The following SASH1 variants were observed in gnomAD, a reference collection of about 807,000 sequenced individuals.
The protein encoded by SASH1 is SAM and SH3 domain-containing protein 1.
A neutral mutation model predicts 125.2 loss-of-function variants in SASH1; 44 were observed. That is an observed-to-expected ratio of 0.35 (90% CI 0.28 to 0.45). The LOEUF is 0.45. Among genes scored for constraint, SASH1 ranks in the 20% least tolerant of loss-of-function variants. The pLI is 1.00. For synonymous variants in SASH1, 639 were observed against 649.1 expected (o/e 0.98, Z 0.24); for missense variants, 1,426 against 1,614.5 (o/e 0.88, Z 2.00).
At chr6:148,313,727 G>A (rs1780399493) in intron 1 of SASH1, among the ~76,000 whole-genome samples, 2 of 152,082 alleles carry the variant, frequency 1.3e-5, no homozygotes, top group East Asian at 1.9e-4. Flanking sequence ...TGGCACGTGC[G>A]GCTGCATGCC....
At chr6:148,524,121 A>ATATATATATATTTTT (rs1193506716) in intron 10 of SASH1, among the ~76,000 whole-genome samples, 235 of 128,532 alleles carry the variant, frequency 1.8e-3, no homozygotes, top group Middle Eastern at 4.3e-3. Flanking sequence ...ATATATATAT[A>ATATATATATATTTTT]TTTTTTTTAA....
chr6:148,344,414 G>A (rs2114638252), intron 1 of SASH1, among the ~76,000 whole-genome samples: 1 of 152,232 alleles, frequency 6.6e-6, no homozygotes, highest in Non-Finnish European at 1.5e-5. Context: ...AAAGTCTCCT[G>A]TCTCTTCCTT....
intron 1 of SASH1, among the ~76,000 whole-genome samples, chr6:148,300,154 T>A (rs1253439011): frequency 1.3e-5 from 2 of 152,150 alleles, no homozygotes; most frequent in African/African-American, 4.8e-5. Flanking sequence ...AAAACCTGAG[T>A]ATAGTACCAA....
chr6:148,204,062 A>G, the SASH1 span, among the ~76,000 whole-genome samples: 1 of 152,194 alleles, frequency 6.6e-6, no homozygotes, highest in Admixed American at 6.5e-5. Flanking sequence ...GCGGCTTCCT[A>G]CACTGCTGAA....
intron 4 of SASH1, among the ~76,000 whole-genome samples, chr6:148,460,927 T>A (rs12664613): frequency 0.14 from 21,997 of 152,162 alleles, 1,661 homozygotes; most frequent in East Asian, 0.19. Flanking sequence ...GAAACTTAGA[T>A]TCTAGAATAG....
rs746767710 is a variant in SASH1 at position 148,301,326 on chromosome 6, C to CA, written n.74+28970dup. 6.7e-3 allele frequency among the ~76,000 whole-genome samples: 672 copies of CA among 99,700 alleles called. 5 individuals are homozygous for CA. The highest frequency in any genetic ancestry group is 0.01 in the Non-Finnish European group (514 of 51,202). 65.4% of individuals were successfully genotyped at this position (99,700 alleles called of 152,430 possible). A position where few individuals can be genotyped will look rare whatever the true frequency, so the allele number is the denominator to read the frequency against. On this transcript the variant is annotated intron_variant and non_coding_transcript_variant, in intron 1 of 3. Transcript: ENST00000367469. ...GGGCAACAAGAGCAAAACTCCATCT[C>CA]AAAAAAAAAAAAAAAAAAAAACTCT...
intron 1 of SASH1, among the ~76,000 whole-genome samples, chr6:148,346,139 C>G (rs1229515563): frequency 1.3e-5 from 2 of 152,156 alleles, no homozygotes; most frequent in Non-Finnish European, 2.9e-5. Context: ...AAACTCACAG[C>G]TTAGTAAGTG....
intron 17 of SASH1, among the ~76,000 whole-genome samples, chr6:148,541,550 GTAC>G (rs1288628040): frequency 6.6e-6 from 1 of 151,986 alleles, no homozygotes; most frequent in Non-Finnish European, 1.5e-5. Context: ...GTGTCTCTGT[GTAC>G]TACATGTTGA....
At chr6:148,427,855 G>A (rs1775893637) in intron 2 of SASH1, among the ~76,000 whole-genome samples, 1 of 152,180 alleles carries the variant, frequency 6.6e-6, no homozygotes, top group African/African-American at 2.4e-5. Context: ...CCTCAGGGAG[G>A]CCCCCTTGGT....
intron 1 of SASH1, among the ~76,000 whole-genome samples, chr6:148,386,947 T>TC (rs1448378482): frequency 6.6e-6 from 1 of 152,046 alleles, no homozygotes; most frequent in East Asian, 1.9e-4. Flanking sequence ...CCTAGGTGAA[T>TC]CAAGGAGGAT....
At chr6:148,430,360 C>A (rs917309349) in intron 2 of SASH1, among the ~76,000 whole-genome samples, 4 of 152,218 alleles carry the variant, frequency 2.6e-5, no homozygotes, top group Non-Finnish European at 5.9e-5. Flanking sequence ...TAGTCAGAGT[C>A]TCGCTCTGTC....
intron 2 of SASH1, among the ~76,000 whole-genome samples, chr6:148,425,505 A>G (rs1370043811): frequency 6.6e-6 from 1 of 152,206 alleles, no homozygotes; most frequent in Admixed American, 6.5e-5. Flanking sequence ...ATCATTAAAC[A>G]TCTTGATCTG....
rs376363970 is a variant in SASH1, at chr6:148,402,454, C to T, written c.285+12192C>T. Among the ~76,000 whole-genome samples, 7 of 152,000 alleles carry T rather than the reference C, an allele frequency of 4.6e-5. No individual in the cohort carries two copies. In the South Asian group the frequency reaches 6.3e-4, roughly 14 times the overall value. ...CCTCCCAAGTAGCTAGGATTACAGG[C>T]GTGTACCACCATGCCGGACTTTTTT... is the stretch of plus-strand genomic sequence containing the variant. On this transcript the variant is annotated intron_variant, in intron 2 of 19. Transcript: ENST00000367467.
chr6:148,511,720 T>TA (rs1176883143), intron 8 of SASH1, among the ~76,000 whole-genome samples: 1 of 152,236 alleles, frequency 6.6e-6, no homozygotes, highest in African/African-American at 2.4e-5. Context: ...GCATTGCCTT[T>TA]AAATCTACTG....
chr6:148,531,234 C>A (rs1437959749), intron 12 of SASH1, among the ~76,000 whole-genome samples: 1 of 151,962 alleles, frequency 6.6e-6, no homozygotes, highest in Non-Finnish European at 1.5e-5. Flanking sequence ...AGTCTCTAAA[C>A]CTTTAAGTAT....
At chr6:148,316,982 A>G (rs765135042) in intron 1 of SASH1, among the ~76,000 whole-genome samples, 1 of 152,186 alleles carries the variant, frequency 6.6e-6, no homozygotes, top group African/African-American at 2.4e-5. Context: ...TGAGGAATAT[A>G]ATGGTGATCA....
the SASH1 span, among the ~76,000 whole-genome samples, chr6:148,227,036 G>T: frequency 2.6e-5 from 4 of 152,180 alleles, no homozygotes; most frequent in East Asian, 7.7e-4. Flanking sequence ...TGAGGTGGCT[G>T]TTGGGGAGGC....
chr6:148,345,006 G>A (rs1562337555), intron 1 of SASH1, among the ~76,000 whole-genome samples: 3 of 152,118 alleles, frequency 2.0e-5, no homozygotes, highest in Admixed American at 6.5e-5. Flanking sequence ...TGCCCACCTC[G>A]GCCTCCCAAA....
At chr6:148,254,926 T>C in the SASH1 span, among the ~76,000 whole-genome samples, 1 of 152,200 alleles carries the variant, frequency 6.6e-6, no homozygotes. Flanking sequence ...GTAACATTAT[T>C]CATAATAACC....
Sources: allele counts gnomAD v4.1 joint callset (sites outside exome capture counted in the v4.1 genomes callset), GRCh38; gene constraint gnomAD v4.1.1; transcripts MANE v1.5; gene names NCBI Gene and HGNC (gene_info 2026-07-23, HGNC 2026-07-21).